ITSN2: variants seen among roughly 807,000 people sequenced by gnomAD.
ITSN2 encodes intersectin-2.
A neutral mutation model predicts 243.7 loss-of-function variants in ITSN2; 156 were observed. The observed-to-expected ratio is 0.64, with a 90% confidence interval of 0.56 to 0.73. The LOEUF is 0.73. Ranked by LOEUF, ITSN2 falls within the 30% of genes least tolerant of loss-of-function variation. ITSN2 has a pLI of 0.00. For synonymous variants in ITSN2, 703 were observed against 699.9 expected (o/e 1.00, Z -0.07); for missense variants, 1,801 against 1,996.1 (o/e 0.90, Z 1.86).
At chr2:24,210,623 A>G (rs1275515507) in intron 34 of ITSN2, among the ~76,000 whole-genome samples, 157 bp downstream of exon 34, 17 of 151,410 alleles carry the variant, frequency 1.1e-4, no homozygotes, top group Non-Finnish European at 2.5e-4. Flanking sequence ...TCAAAAAAAA[A>G]AAAAAAAAAA....
chr2:24,246,374 G>A, intron 28 of ITSN2, 54 bp from the exon 29 acceptor site: 1 of 1,047,156 alleles, frequency 9.5e-7, no homozygotes, highest in Non-Finnish European at 1.4e-6. Flanking sequence ...TTCCTGCAAG[G>A]GTCAATCATT....
At chr2:24,284,627 G>T in intron 17 of ITSN2, 136 bp downstream of exon 17, 1 of 540,934 alleles carries the variant, frequency 1.8e-6, no homozygotes, top group East Asian at 3.0e-5. Flanking sequence ...ATTCAAGCAA[G>T]CAGAAAGAAA....
At chr2:24,330,330 CG>C (rs764299070) in intron 1 of ITSN2, 18 of 459,980 alleles carry the variant, frequency 3.9e-5, no homozygotes, top group Non-Finnish European at 6.2e-5. Context: ...GAACGAACCC[CG>C]GACTGACCAA....
intron 3 of ITSN2, among the ~76,000 whole-genome samples, 181 bp from the exon 4 acceptor site, chr2:24,313,704 A>G (rs1345529384): frequency 1.3e-5 from 2 of 152,256 alleles, no homozygotes; most frequent in African/African-American, 2.4e-5. Flanking sequence ...CAGATATTTT[A>G]AAACAAAAGT....
intron 30 of ITSN2, among the ~76,000 whole-genome samples, chr2:24,218,649 A>G (rs1670179516): frequency 6.6e-6 from 1 of 152,084 alleles, no homozygotes; most frequent in African/African-American, 2.4e-5. Context: ...GATGGAGGCG[A>G]AGCTGAGTCA....
intron 15 of ITSN2, among the ~76,000 whole-genome samples, chr2:24,290,889 T>C (rs575024607): frequency 6.6e-6 from 1 of 151,414 alleles, no homozygotes; most frequent in South Asian, 2.1e-4. Flanking sequence ...TTTCGATATC[T>C]GATAGGGTTA....
intron 29 of ITSN2, among the ~76,000 whole-genome samples, chr2:24,228,587 G>T (rs906676778): frequency 7.9e-5 from 12 of 152,100 alleles, no homozygotes; most frequent in Non-Finnish European, 4.4e-5. Flanking sequence ...ATCAGCAGAA[G>T]GAAGAGATAT....
In ITSN2 at chr2:24,209,671, G is replaced by A. The variant is rs575861934; in HGVS notation, c.4473+147C>T. ...TGCCCAGCTGCATGGGGCCCTTCCC[G>A]TGGGAAGCAGCAAAGGAAGCACGAG... On this transcript the variant is annotated intron_variant, in intron 35 of 39. Coordinates refer to ENST00000355123, the MANE Select transcript of ITSN2 (RefSeq NM_006277.3). The A allele has an allele frequency of 1.4e-5, 9 of 642,646 alleles. No individual in the cohort carries two copies. In the East Asian group the frequency reaches 1.6e-4, roughly 12 times the overall value. 39.8% of individuals were successfully genotyped at this position (642,646 alleles called of 1,614,324 possible).
intron 3 of ITSN2, 83 bp downstream of exon 3, chr2:24,315,049 T>C (rs1478142340): frequency 1.7e-6 from 1 of 578,532 alleles, no homozygotes; most frequent in African/African-American, 1.9e-5. Context: ...TAACACAAAT[T>C]TGATGGCAGT....
intron 2 of ITSN2, among the ~76,000 whole-genome samples, chr2:24,317,155 C>A (rs905289696): frequency 2.0e-5 from 3 of 152,068 alleles, no homozygotes; most frequent in African/African-American, 7.2e-5. Context: ...CCGAGGCGGG[C>A]GGATCACCTG....
In ITSN2 at chr2:24,211,106, C is replaced by T. The variant is rs147267405; in HGVS notation, c.4090-159G>A. Reference sequence around the variant, plus strand: ...CGACACTTTCCGCCCTTGAGAAACTCGTACTCCCACAAGTTCTTGGGGACA... The same window carrying T: ...CGACACTTTCCGCCCTTGAGAAACTTGTACTCCCACAAGTTCTTGGGGACA... On this transcript the variant is annotated intron_variant, in intron 33 of 39. Coordinates refer to ENST00000355123, the MANE Select transcript of ITSN2 (RefSeq NM_006277.3). This position sits in a 1 kb window ranked among gnomAD's most constrained non-coding sequence, Gnocchi z 4.1. 6.6e-6 allele frequency among the ~76,000 whole-genome samples: 1 copy of T among 152,300 alleles called. No homozygotes were observed. Among genetic ancestry groups the T allele is most frequent in the East Asian group, 1.9e-4 (1 of 5,178 alleles).
At chr2:24,275,958 C>T (rs1677958410) in intron 17 of ITSN2, 109 bp from the exon 18 acceptor site, 3 of 791,976 alleles carry the variant, frequency 3.8e-6, no homozygotes, top group Non-Finnish European at 5.6e-6. Context: ...GCAAGTTGAA[C>T]TAAATTTAAA....
intron 19 of ITSN2, among the ~76,000 whole-genome samples, chr2:24,271,294 C>CA (rs1677311719): frequency 6.6e-6 from 1 of 152,090 alleles, no homozygotes. Context: ...TTACTTTGTT[C>CA]ATCTTTAGAA....
At chr2:24,288,024 A>T (rs1388662298) in intron 15 of ITSN2, among the ~76,000 whole-genome samples, 1 of 152,064 alleles carries the variant, frequency 6.6e-6, no homozygotes, top group Non-Finnish European at 1.5e-5. Flanking sequence ...TACTGTGCAG[A>T]AACTTTTTAG....
At chr2:24,281,117 C>T (rs1244285784) in intron 17 of ITSN2, among the ~76,000 whole-genome samples, 1 of 152,214 alleles carries the variant, frequency 6.6e-6, no homozygotes, top group East Asian at 1.9e-4. Flanking sequence ...CAACCTCCAC[C>T]TCCCAGATTC....
At chr2:24,234,463 C>A (rs1671927662) in intron 29 of ITSN2, among the ~76,000 whole-genome samples, 2 of 151,808 alleles carry the variant, frequency 1.3e-5, no homozygotes. Context: ...GATATGATAC[C>A]AAAGACACAA....
chr2:24,206,324 T>G, intron 37 of ITSN2: 1 of 392,778 alleles, frequency 2.5e-6, no homozygotes, highest in Non-Finnish European at 5.1e-6. Flanking sequence ...GCCAGGAAGC[T>G]GGTGGGAGGC....
chr2:24,238,634 A>G (rs754223213), intron 29 of ITSN2, among the ~76,000 whole-genome samples: 7 of 152,214 alleles, frequency 4.6e-5, no homozygotes, highest in Non-Finnish European at 1.0e-4. Flanking sequence ...AAAACTTATA[A>G]AAACACAAGT....
Position 24,211,890 on chromosome 2 carries a change from G to A in ITSN2, c.4089+760C>T, listed in dbSNP as rs1669525060. On this transcript the variant is annotated intron_variant, in intron 33 of 39. Transcript: ENST00000355123. This position sits in a 1 kb window ranked among gnomAD's most constrained non-coding sequence, Gnocchi z 4.1. ...ATTTCAATGAAGGGGCTGTGAACCT[G>A]CATTATGGTTCAGTTTAGTGCAGGC... Among the ~76,000 whole-genome samples the A allele has an allele frequency of 6.6e-6, 1 of 152,150 alleles. No homozygotes were observed. Among genetic ancestry groups the A allele is most frequent in the Non-Finnish European group, 1.5e-5 (1 of 68,034 alleles).
Sources: gnomAD v4.1 joint callset for allele counts (sites outside exome capture counted in the v4.1 genomes callset) on GRCh38, gnomAD v4.1.1 for gene constraint, Gnocchi (gnomAD v3.1) non-coding constraint, MANE v1.5 for transcripts, NCBI Gene and HGNC (gene_info 2026-07-23, HGNC 2026-07-21) for gene names.